MYO1B: variants seen among roughly 807,000 people sequenced by gnomAD.
MYO1B encodes unconventional myosin-Ib.
A neutral mutation model predicts 159.7 loss-of-function variants in MYO1B; 72 were observed. The ratio of observed to expected loss-of-function variants is 0.45; its 90% CI spans 0.37 to 0.55. The LOEUF (loss-of-function observed/expected upper bound fraction) is 0.55. MYO1B is among the 20% of genes least tolerant of loss of function. The pLI, the probability that MYO1B is intolerant of heterozygous loss-of-function variation, is 0.00. For missense variants in MYO1B, 1,062 were observed against 1,364.8 expected (o/e 0.78, Z 3.50); for synonymous variants, 468 against 473.8 (o/e 0.99, Z 0.16).
At chr2:191,409,551 A>C (rs1320381290) in intron 26 of MYO1B, among the ~76,000 whole-genome samples, 1 of 152,262 alleles carries the variant, frequency 6.6e-6, no homozygotes, top group Non-Finnish European at 1.5e-5. Flanking sequence ...CAACATAGTT[A>C]AATCCTGCAA....
At chr2:191,344,637 C>T (rs1402559531) in intron 5 of MYO1B, among the ~76,000 whole-genome samples, 2 of 151,562 alleles carry the variant, frequency 1.3e-5, no homozygotes, top group Non-Finnish European at 2.9e-5. Flanking sequence ...GAGACCATCC[C>T]GGCTAAAACG....
rs140190203 is a variant in MYO1B, at chr2:191,247,880, G to C, written c.-10+2254G>C. Reference sequence around the variant, plus strand: ...TGTGTGATAAGGCTGGCAACAGGCTGTATCCCCTTCCCAGGATGAATCATC... The same window carrying C: ...TGTGTGATAAGGCTGGCAACAGGCTCTATCCCCTTCCCAGGATGAATCATC... On this transcript the variant is annotated intron_variant, in intron 1 of 30. Transcript: ENST00000392318. The C allele has an allele frequency of 3.4e-4, 327 of 966,152 alleles. 1 individual carries two copies. In the East Asian group the frequency reaches 0.011, roughly 32 times the overall value. The allele number at this position is 966,152 out of a possible 1,614,324, so 59.8% of individuals were successfully genotyped here.
At chr2:191,403,273 T>A (rs951409416) in intron 24 of MYO1B, among the ~76,000 whole-genome samples, 1 of 152,208 alleles carries the variant, frequency 6.6e-6, no homozygotes, top group Non-Finnish European at 1.5e-5. Context: ...ATCATTCATG[T>A]TAAAGAGAAC....
intron 20 of MYO1B, among the ~76,000 whole-genome samples, chr2:191,393,681 T>A (rs1345392122): frequency 6.6e-6 from 1 of 152,234 alleles, no homozygotes; most frequent in Non-Finnish European, 1.5e-5. Context: ...TAATGCCATG[T>A]TTTTGTAGAT....
chr2:191,291,003 G>A (rs1189295363), intron 2 of MYO1B, among the ~76,000 whole-genome samples: 3 of 152,222 alleles, frequency 2.0e-5, no homozygotes, highest in Non-Finnish European at 2.9e-5. Flanking sequence ...AGTTTATGTT[G>A]GGTCTCTTTC....
intron 21 of MYO1B, among the ~76,000 whole-genome samples, chr2:191,397,628 A>AT (rs1270535718): frequency 9.6e-5 from 14 of 145,816 alleles, no homozygotes; most frequent in Admixed American, 2.7e-4. Flanking sequence ...CGATTTCTCA[A>AT]TTTTTTCCCC....
In MYO1B at chr2:191,245,408, A is replaced by T. The variant is rs1685716690; in HGVS notation, c.-228A>T. On this transcript the variant is annotated 5_prime_UTR_variant, in exon 1 of 31. Transcript: ENST00000392318. Reference sequence around the variant, plus strand: ...CGGGCTCCTCCCGCCGCCGCTGAGCACTCCGCAGCTGGGTGCGCACGGGAG... The same window carrying T: ...CGGGCTCCTCCCGCCGCCGCTGAGCTCTCCGCAGCTGGGTGCGCACGGGAG... 6.6e-6 allele frequency: 1 copy of T among 151,832 alleles called. No homozygotes were observed. Among genetic ancestry groups the T allele is most frequent in the Admixed American group, 6.6e-5 (1 of 15,244 alleles). 9.4% of individuals were successfully genotyped at this position (151,832 alleles called of 1,614,324 possible). A position where few individuals can be genotyped will look rare whatever the true frequency, so the allele number is the denominator to read the frequency against.
chr2:191,279,557 C>G (rs1687933337), intron 2 of MYO1B, among the ~76,000 whole-genome samples: 1 of 152,166 alleles, frequency 6.6e-6, no homozygotes, highest in Admixed American at 6.5e-5. Flanking sequence ...GATTACCACA[C>G]TCTCCAGCCC....
At chr2:191,402,496 G>A (rs1196324291) in intron 23 of MYO1B, 136 bp from the exon 24 acceptor site, 1 of 745,012 alleles carries the variant, frequency 1.3e-6, no homozygotes, top group East Asian at 2.7e-5. Flanking sequence ...GGTTTAAATT[G>A]TTATGCACTG....
chr2:191,388,235 C>T (rs990237909), intron 17 of MYO1B: 15 of 151,424 alleles, frequency 9.9e-5, no homozygotes, highest in African/African-American at 3.6e-4. Flanking sequence ...CGAGGTCACG[C>T]CACTGCACTC....
At chr2:191,245,880 A>G (rs1685754301) in intron 1 of MYO1B, 1 of 152,202 alleles carries the variant, frequency 6.6e-6, no homozygotes, top group Non-Finnish European at 1.5e-5. Context: ...AAGGGCTTGT[A>G]AACTAAGTTG....
At chr2:191,251,470 T>C (rs1034897235) in intron 1 of MYO1B, among the ~76,000 whole-genome samples, 1 of 152,170 alleles carries the variant, frequency 6.6e-6, no homozygotes, top group Non-Finnish European at 1.5e-5. Flanking sequence ...ACCTGATAAG[T>C]TTCTGAAAAT....
At chr2:191,419,112 A>G (rs973938017) in intron 30 of MYO1B, among the ~76,000 whole-genome samples, 1 of 152,268 alleles carries the variant, frequency 6.6e-6, no homozygotes, top group Non-Finnish European at 1.5e-5. Flanking sequence ...GGTGTAAACA[A>G]ACCTACTTCA....
At chr2:191,349,030 T>C (rs2125980634) in intron 6 of MYO1B, among the ~76,000 whole-genome samples, 1 of 152,302 alleles carries the variant, frequency 6.6e-6, no homozygotes, top group African/African-American at 2.4e-5. Flanking sequence ...GATTTCCTAC[T>C]CTCCCTTTGT....
intron 21 of MYO1B, among the ~76,000 whole-genome samples, chr2:191,398,511 C>T (rs1478583238): frequency 1.3e-4 from 20 of 148,288 alleles, no homozygotes; most frequent in Middle Eastern, 3.6e-3. Flanking sequence ...ACTTCTCAGA[C>T]GGGGCGGTTG....
intron 2 of MYO1B, among the ~76,000 whole-genome samples, chr2:191,294,048 A>G (rs539963941): frequency 6.6e-6 from 1 of 152,168 alleles, no homozygotes; most frequent in African/African-American, 2.4e-5. Flanking sequence ...ACAAATATTT[A>G]TTGTACATCA....
At chr2:191,370,729 G>A (rs948591937) in intron 13 of MYO1B, among the ~76,000 whole-genome samples, 5 of 152,254 alleles carry the variant, frequency 3.3e-5, no homozygotes, top group Non-Finnish European at 5.9e-5. Flanking sequence ...AGGAGGGCTG[G>A]ACATAGGTTC....
chr2:191,409,629 T>C (rs1697143767), intron 26 of MYO1B, among the ~76,000 whole-genome samples: 2 of 152,318 alleles, frequency 1.3e-5, no homozygotes, highest in South Asian at 2.1e-4. Context: ...CACACACACT[T>C]TGATGGGTGG....
chr2:191,276,858 A>T, intron 1 of MYO1B, 29 bp from the exon 2 acceptor site: 1 of 1,576,572 alleles, frequency 6.3e-7, no homozygotes, highest in Non-Finnish European at 8.6e-7. Context: ...TTGCTCGTTT[A>T]AATTGACCCC....
Sources: gnomAD v4.1 joint callset for allele counts (sites outside exome capture counted in the v4.1 genomes callset) on GRCh38, gnomAD v4.1.1 for gene constraint, MANE v1.5 for transcripts, NCBI Gene and HGNC (gene_info 2026-07-23, HGNC 2026-07-21) for gene names.